The following RASGRP3 variants were observed in gnomAD, a reference collection of about 807,000 sequenced individuals.
The protein encoded by RASGRP3 is ras guanyl-releasing protein 3.
Under a neutral mutation model 82.7 loss-of-function variants are expected in RASGRP3, and 54 were observed. The observed-to-expected ratio is 0.65, with a 90% CI of 0.52 to 0.82. RASGRP3 has a LOEUF of 0.82. RASGRP3 is among the 40% of genes least tolerant of loss of function. The probability of loss-of-function intolerance (pLI) is 0.00; values close to 1 mark genes in which losing one functional copy is unlikely to be tolerated. For synonymous variants in RASGRP3, 309 were observed against 300.5 expected (o/e 1.03, Z -0.29); for missense variants, 861 against 828.9 (o/e 1.04, Z -0.48).
intron 1 of RASGRP3, among the ~76,000 whole-genome samples, chr2:33,504,461 A>G (rs1024311452): frequency 1.3e-5 from 2 of 152,238 alleles, no homozygotes; most frequent in African/African-American, 4.8e-5. Flanking sequence ...CATTGTGCTT[A>G]ATGCTAAATA....
intron 2 of RASGRP3, among the ~76,000 whole-genome samples, chr2:33,514,291 A>G (rs951860950): frequency 6.6e-6 from 1 of 152,058 alleles, no homozygotes; most frequent in Non-Finnish European, 1.5e-5. Context: ...TTTGCTTCTA[A>G]AAATTTTTTC....
chr2:33,503,596 T>G (rs1670080715), intron 1 of RASGRP3, among the ~76,000 whole-genome samples: 2 of 152,018 alleles, frequency 1.3e-5, no homozygotes, highest in South Asian at 4.2e-4. Context: ...AACACACTTT[T>G]TTTTTTGGTT....
chr2:33,492,750 G>A (rs1451578722), intron 1 of RASGRP3, among the ~76,000 whole-genome samples: 1 of 152,198 alleles, frequency 6.6e-6, no homozygotes, highest in South Asian at 2.1e-4. Context: ...CATCCAGTCT[G>A]TGGTGTTTTG....
chr2:33,557,207 C>T (rs1349375945), intron 15 of RASGRP3, among the ~76,000 whole-genome samples: 1 of 152,146 alleles, frequency 6.6e-6, no homozygotes, highest in African/African-American at 2.4e-5. Flanking sequence ...GAAGTGGCCA[C>T]ATTTTTCTAC....
intron 1 of RASGRP3, among the ~76,000 whole-genome samples, chr2:33,442,192 C>T (rs1280810876): frequency 1.3e-5 from 2 of 152,116 alleles, no homozygotes; most frequent in African/African-American, 4.8e-5. Context: ...GGTGAAACTC[C>T]ATCTCTACTA....
intron 1 of RASGRP3, chr2:33,481,857 C>T (rs1667955675): frequency 6.6e-6 from 1 of 151,724 alleles, no homozygotes; most frequent in African/African-American, 2.4e-5. Context: ...GCGTGCACCA[C>T]CACACCCAGC....
chr2:33,470,605 T>C (rs1356116879), intron 2 of RASGRP3, among the ~76,000 whole-genome samples: 1 of 152,024 alleles, frequency 6.6e-6, no homozygotes. Flanking sequence ...AGTCTCGATC[T>C]CCTGACCTTG....
chr2:33,454,917 C>T (rs987702548), intron 2 of RASGRP3, among the ~76,000 whole-genome samples: 3 of 152,132 alleles, frequency 2.0e-5, no homozygotes, highest in Non-Finnish European at 2.9e-5. Context: ...AATCATCCAC[C>T]TCAATCACAT....
At chr2:33,486,880 T>A (rs765037074) in intron 1 of RASGRP3, among the ~76,000 whole-genome samples, 3 of 152,216 alleles carry the variant, frequency 2.0e-5, no homozygotes, top group Non-Finnish European at 4.4e-5. Context: ...GATAAGGTGG[T>A]TCTGGGTGGT....
rs574258009 is a variant in RASGRP3 at position 33,560,781 on chromosome 2, A to C, written c.2064+1751A>C. On this transcript the variant is annotated intron_variant, in intron 17 of 17. Transcript: ENST00000403687. ...ACCTTGTGGGCATCTCTGAATTCAGAGGAGAACCTGCTTTTGTTTAACAAA... is the reference window on the plus strand; with the variant it reads ...ACCTTGTGGGCATCTCTGAATTCAGCGGAGAACCTGCTTTTGTTTAACAAA... 6.6e-5 allele frequency among the ~76,000 whole-genome samples: 10 copies of C among 152,368 alleles called. No homozygotes were observed. The South Asian group carries it at 1.9e-3, about 28-fold the overall frequency.
chr2:33,527,994 A>G (rs1408083620), intron 10 of RASGRP3, among the ~76,000 whole-genome samples: 2 of 152,084 alleles, frequency 1.3e-5, no homozygotes, highest in African/African-American at 4.8e-5. Flanking sequence ...ACCCCATGAA[A>G]TGCTGTCTTC....
intron 17 of RASGRP3, among the ~76,000 whole-genome samples, chr2:33,561,457 T>C (rs916079611): frequency 2.0e-5 from 3 of 152,202 alleles, no homozygotes; most frequent in East Asian, 3.8e-4. Context: ...TATGCTCTTA[T>C]ATGAAATGCA....
chr2:33,551,910 G>A (rs577414229), intron 14 of RASGRP3, among the ~76,000 whole-genome samples: 3 of 152,120 alleles, frequency 2.0e-5, no homozygotes, highest in Non-Finnish European at 2.9e-5. Flanking sequence ...GGAGAATGGC[G>A]TGAACCCGGG....
chr2:33,549,666 A>G lies in RASGRP3; in HGVS notation c.1457A>G (p.His486Arg). ...TTCCTGAGAGCTAAATCCCAACTAC[A>G]CTGTAAAATGGGACCAGGATTTATC... is the stretch of plus-strand genomic sequence containing the variant. ...AYFLRAKSQLHCKMGPGFIHN... is the reference protein window; with the variant it reads ...AYFLRAKSQLRCKMGPGFIHN... The change falls in exon 14 of 18, where the codon CAC becomes CGC. Residue 486 changes from histidine to arginine, a missense_variant. By Grantham distance (29) the His-to-Arg change is conservative. Coordinates refer to ENST00000403687, the MANE Select transcript of RASGRP3 (RefSeq NM_001139488.2). 1.2e-6 allele frequency: 2 copies of G among 1,613,478 alleles called. No individual in the cohort carries two copies. Among genetic ancestry groups the G allele is most frequent in the Non-Finnish European group, 1.7e-6 (2 of 1,179,474 alleles).
chr2:33,501,550 A>C (rs1331396912), intron 1 of RASGRP3, among the ~76,000 whole-genome samples: 3 of 152,232 alleles, frequency 2.0e-5, no homozygotes, highest in African/African-American at 7.2e-5. Context: ...ACTCACCCAA[A>C]TGTTAAGTAA....
At chr2:33,498,529 G>C (rs1669543871) in intron 1 of RASGRP3, among the ~76,000 whole-genome samples, 1 of 152,192 alleles carries the variant, frequency 6.6e-6, no homozygotes, top group Non-Finnish European at 1.5e-5. Flanking sequence ...ATGATGTTCA[G>C]AACATGATAG....
chr2:33,515,236 T>C (rs1299959968), intron 3 of RASGRP3, 30 bp downstream of exon 3: 1 of 1,608,816 alleles, frequency 6.2e-7, no homozygotes, highest in Non-Finnish European at 8.5e-7. Context: ...TCATCTCTTT[T>C]GGATCTCTCG....
At chr2:33,456,904 A>AT (rs10660284) in intron 2 of RASGRP3, among the ~76,000 whole-genome samples, 89,918 of 134,614 alleles carry the variant, frequency 0.67, 30,246 homozygotes, top group Middle Eastern at 0.73. Flanking sequence ...AGTGCTTTCT[A>AT]TTTTTTTTTT....
chr2:33,496,941 G>C (rs111599096), intron 1 of RASGRP3, among the ~76,000 whole-genome samples: 89 of 152,270 alleles, frequency 5.8e-4, no homozygotes, highest in African/African-American at 1.8e-3. Context: ...AATACGTTTT[G>C]GGTCTTGAGT....
Sources: gnomAD v4.1 joint callset for allele counts (sites outside exome capture counted in the v4.1 genomes callset) on GRCh38, gnomAD v4.1.1 for gene constraint, MANE v1.5 for transcripts, NCBI Gene and HGNC (gene_info 2026-07-23, HGNC 2026-07-21) for gene names.